DPH6: variants seen among roughly 807,000 people sequenced by gnomAD.
The protein encoded by DPH6 is diphthamine biosynthesis 6.
DPH6 carries 33 observed loss-of-function variants against 38.2 expected under a neutral mutation model. The ratio of observed to expected loss-of-function variants is 0.86; its 90% CI spans 0.65 to 1.15. DPH6 has a LOEUF of 1.15. DPH6 is among the 50% of genes most tolerant of loss of function. The probability of loss-of-function intolerance (pLI) is 0.00; values close to 1 mark genes in which losing one functional copy is unlikely to be tolerated. For synonymous variants in DPH6, 108 were observed against 103.0 expected, an observed-to-expected ratio of 1.05 and a Z score of -0.30; for missense variants, 325 against 320.0, an observed-to-expected ratio of 1.02 and a Z score of -0.12.
chr15:35,296,249 C>A (rs2052014069), intron 3 of DPH6, among the ~76,000 whole-genome samples: 1 of 152,084 alleles, frequency 6.6e-6, no homozygotes, highest in Non-Finnish European at 1.5e-5. Flanking sequence ...TTACTATGTC[C>A]ATTTTAAAAA....
intron 3 of DPH6, among the ~76,000 whole-genome samples, chr15:35,337,163 G>T (rs1380754984): frequency 1.3e-5 from 2 of 152,082 alleles, no homozygotes; most frequent in Non-Finnish European, 2.9e-5. Context: ...CTTCTTCCTG[G>T]TTTAGTCTTG....
intron 6 of DPH6, among the ~76,000 whole-genome samples, chr15:35,406,389 T>C (rs1192841910): frequency 6.6e-6 from 1 of 151,986 alleles, no homozygotes. Context: ...TTTTGAAGCA[T>C]GGGGAGCAAC....
chr15:35,208,712 T>C, the DPH6 span, among the ~76,000 whole-genome samples: 1 of 152,202 alleles, frequency 6.6e-6, no homozygotes, highest in Non-Finnish European at 1.5e-5. Flanking sequence ...CTTTACAATA[T>C]ATTTTAATAT....
chr15:35,491,342 A>G (rs1020722312), intron 3 of DPH6, among the ~76,000 whole-genome samples: 10 of 152,136 alleles, frequency 6.6e-5, no homozygotes, highest in African/African-American at 2.4e-4. Flanking sequence ...CTTGCCCAAC[A>G]ATAAAACAAC....
intron 5 of DPH6, among the ~76,000 whole-genome samples, chr15:35,448,915 C>T (rs140260996): frequency 6.6e-6 from 1 of 150,442 alleles, no homozygotes; most frequent in Admixed American, 6.6e-5. Flanking sequence ...ATTATAAGAC[C>T]ATTTCATAGA....
intron 3 of DPH6, among the ~76,000 whole-genome samples, chr15:35,472,045 T>C (rs2054205240): frequency 6.6e-6 from 1 of 152,134 alleles, no homozygotes; most frequent in Non-Finnish European, 1.5e-5. Flanking sequence ...TGCCCGTGAA[T>C]AGCCACTGCA....
intron 3 of DPH6, among the ~76,000 whole-genome samples, chr15:35,266,479 G>A (rs2051784514): frequency 6.6e-6 from 1 of 152,026 alleles, no homozygotes; most frequent in Admixed American, 6.5e-5. Flanking sequence ...GGCAAATCAG[G>A]GACTAAACTT....
chr15:35,301,123 A>G (rs780852856), intron 3 of DPH6, among the ~76,000 whole-genome samples: 1 of 152,244 alleles, frequency 6.6e-6, no homozygotes, highest in Non-Finnish European at 1.5e-5. Flanking sequence ...ATTATTTTAC[A>G]TAGTACTATG....
chr15:35,169,693 T>G, the DPH6 span: 1 of 152,132 alleles, frequency 6.6e-6, no homozygotes, highest in Non-Finnish European at 1.5e-5. Context: ...TGCCTTCCTC[T>G]CTTTGTTGCA....
chr15:35,302,990 A>G (rs1372592451), intron 3 of DPH6, among the ~76,000 whole-genome samples: 1 of 152,144 alleles, frequency 6.6e-6, no homozygotes, highest in Non-Finnish European at 1.5e-5. Context: ...AGTGGTCAAG[A>G]AAAACTAGAG....
chr15:35,488,460 A>G (rs909806332), intron 3 of DPH6, among the ~76,000 whole-genome samples: 4 of 152,202 alleles, frequency 2.6e-5, no homozygotes, highest in Non-Finnish European at 4.4e-5. Context: ...AGTGGAAGGC[A>G]AAGGAGAAGC....
At chr15:35,532,867 G>T (rs561689196) in intron 3 of DPH6, among the ~76,000 whole-genome samples, 5 of 152,144 alleles carry the variant, frequency 3.3e-5, no homozygotes, top group African/African-American at 9.6e-5. Flanking sequence ...ACTTTGGGAG[G>T]CTGAGGCAGG....
chr15:35,301,130 T>C (rs933642209), intron 3 of DPH6, among the ~76,000 whole-genome samples: 1 of 152,226 alleles, frequency 6.6e-6, no homozygotes, highest in African/African-American at 2.4e-5. Context: ...TACATAGTAC[T>C]ATGTAGGTTT....
chr15:35,344,324 T>C (rs1311372731), intron 3 of DPH6, among the ~76,000 whole-genome samples: 2 of 152,072 alleles, frequency 1.3e-5, no homozygotes, highest in Admixed American at 6.5e-5. Flanking sequence ...TTATACACAA[T>C]AGAACTGACC....
the DPH6 span, among the ~76,000 whole-genome samples, chr15:35,158,897 T>A: frequency 6.6e-6 from 1 of 152,092 alleles, no homozygotes; most frequent in East Asian, 1.9e-4. Context: ...CCACCTACTA[T>A]CTGCCTGCAC....
At chr15:35,291,149 A>G (rs2051977605) in intron 3 of DPH6, among the ~76,000 whole-genome samples, 1 of 152,174 alleles carries the variant, frequency 6.6e-6, no homozygotes, top group African/African-American at 2.4e-5. Context: ...CTGAAAATCA[A>G]CAATAAGTAG....
intron 1 of DPH6, among the ~76,000 whole-genome samples, 169 bp downstream of exon 1, chr15:35,545,950 A>T (rs532203146): frequency 6.7e-6 from 1 of 149,452 alleles, no homozygotes; most frequent in African/African-American, 2.4e-5. Context: ...GCCGAGGCAC[A>T]TGCGGGCCGG....
intron 6 of DPH6, chr15:35,396,298 A>T (rs1285979164): frequency 6.6e-6 from 1 of 152,234 alleles, no homozygotes; most frequent in Non-Finnish European, 1.5e-5. Flanking sequence ...CTCTGGCCAT[A>T]ATATGATTTA....
chr15:35,446,214 CTTTTTTTTTTTTTCCT>C (rs1275782257), intron 5 of DPH6, among the ~76,000 whole-genome samples: 9 of 51,514 alleles, frequency 1.7e-4, no homozygotes, highest in Non-Finnish European at 5.6e-4. Flanking sequence ...TGTATTTTCC[CTTTTTTTTTTTTTCCT>C]TTTTTTTTTT....
Sources: gnomAD v4.1 joint callset for allele counts (sites outside exome capture counted in the v4.1 genomes callset) on GRCh38, gnomAD v4.1.1 for gene constraint, MANE v1.5 for transcripts, NCBI Gene and HGNC (gene_info 2026-07-23, HGNC 2026-07-21) for gene names.